ANKRD31: variants seen among roughly 807,000 people sequenced by gnomAD.
ANKRD31 encodes ankyrin repeat domain-containing protein 31.
Under a neutral mutation model 186.0 loss-of-function variants are expected in ANKRD31, and 147 were observed. The observed-to-expected ratio is 0.79, with a 90% CI of 0.69 to 0.91. The LOEUF is 0.91. Ranked by LOEUF, ANKRD31 falls within the 40% of genes least tolerant of loss-of-function variation. The pLI is 0.00. For missense variants in ANKRD31, 1,986 were observed against 2,148.8 expected (o/e 0.92, Z 1.50); for synonymous variants, 673 against 736.4 (o/e 0.91, Z 1.39).
intron 11 of ANKRD31, among the ~76,000 whole-genome samples, chr5:75,168,695 T>C (rs112686605): frequency 2.7e-4 from 40 of 150,374 alleles, no homozygotes; most frequent in South Asian, 1.5e-3. Flanking sequence ...CTAAACCCTA[T>C]AAAGCACCAT....
intron 17 of ANKRD31, among the ~76,000 whole-genome samples, chr5:75,132,094 C>G (rs1053172223): frequency 6.6e-6 from 1 of 152,340 alleles, no homozygotes; most frequent in Non-Finnish European, 1.5e-5. Flanking sequence ...TTCTAAAAAT[C>G]AGAGCGCCTC....
chr5:75,105,124 G>A lies in ANKRD31; in HGVS notation c.4435C>T (p.Gln1479Ter). 1.3e-6 allele frequency: 2 copies of A among 1,536,636 alleles called. 1 individual carries two copies. Among genetic ancestry groups the A allele is most frequent in the South Asian group, 2.4e-5 (2 of 84,012 alleles). The change falls in exon 22 of 26, where the codon CAG becomes TAG. Residue 1479 changes from glutamine to a stop codon, truncating the protein, a stop_gained. Transcript: ENST00000506364. LOFTEE classifies it high-confidence loss of function. ...QKSLLVVAKK[Q>*]KKISLKIQNC... is the part of the protein sequence containing the mutation. ...TGAATTTTCAGGCTTATTTTTTTCTGTTTTTTTGCCACAACTAAAAGGCTC... is the reference window on the plus strand; with the variant it reads ...TGAATTTTCAGGCTTATTTTTTTCTATTTTTTTGCCACAACTAAAAGGCTC...
At chr5:75,155,029 T>C (rs1210744296) in intron 11 of ANKRD31, among the ~76,000 whole-genome samples, 1 of 152,146 alleles carries the variant, frequency 6.6e-6, no homozygotes, top group African/African-American at 2.4e-5. Flanking sequence ...ATTTCTTTCA[T>C]ATCAGTCTCT....
At chr5:75,123,593 C>T (rs1201570090) in intron 17 of ANKRD31, among the ~76,000 whole-genome samples, 1 of 151,838 alleles carries the variant, frequency 6.6e-6, no homozygotes, top group African/African-American at 2.4e-5. Flanking sequence ...AAAACAGACA[C>T]ATAGATCAAG....
chr5:75,161,705 G>T (rs1363515734), intron 11 of ANKRD31, among the ~76,000 whole-genome samples: 1 of 152,140 alleles, frequency 6.6e-6, no homozygotes, highest in African/African-American at 2.4e-5. Context: ...GGTTTCATGG[G>T]CCCGGGCCAG....
intron 10 of ANKRD31, among the ~76,000 whole-genome samples, chr5:75,172,695 T>G (rs992062234): frequency 1.3e-5 from 2 of 152,024 alleles, no homozygotes; most frequent in Admixed American, 6.6e-5. Flanking sequence ...CAGGAAGAAG[T>G]TGAATCTCTG....
chr5:75,165,356 T>A (rs1303933338), intron 11 of ANKRD31, among the ~76,000 whole-genome samples: 6 of 152,184 alleles, frequency 3.9e-5, no homozygotes, highest in Admixed American at 2.6e-4. Flanking sequence ...TCACTGTTAA[T>A]AGTAATACTG....
rs1372253197 is a variant in ANKRD31 at position 75,147,484 on chromosome 5, T to A, written c.1927A>T (p.Ser643Cys). 2.7e-6 allele frequency: 4 copies of A among 1,460,512 alleles called. No homozygotes were observed. The highest frequency in any genetic ancestry group is 3.6e-6 in the Non-Finnish European group (4 of 1,116,404). The allele number at this position is 1,460,512 out of a possible 1,614,324, so 90.5% of individuals were successfully genotyped here. A position where few individuals can be genotyped will look rare whatever the true frequency, so the allele number is the denominator to read the frequency against. ...TCATTATAAACATGCCAAATGTGAC[T>A]TTTAGAACTGAACTTTGGTTTCTAT... ...QHKKPKFSSKSHIWHVYNENS... is the reference protein window; with the variant it reads ...QHKKPKFSSKCHIWHVYNENS... Residue 643 changes from serine (S) to cysteine (C), a missense_variant, in exon 14 of 26, where the codon AGT becomes TGT. Coordinates refer to ENST00000506364, the MANE Select transcript of ANKRD31 (RefSeq NM_001372053.1).
chr5:75,236,615 G>C lies in ANKRD31; in HGVS notation c.72C>G (p.Ser24Arg). 6.5e-7 allele frequency: 1 copy of C among 1,537,000 alleles called. No individual in the cohort carries two copies. Among genetic ancestry groups the C allele is most frequent in the South Asian group, 1.2e-5 (1 of 84,018 alleles). Reference sequence around the variant, plus strand: ...AGGGCAGCTCCTTTTCTTCCAGGTCGCTCTCCGTCACTGAACCCTCTATCA... The same window carrying C: ...AGGGCAGCTCCTTTTCTTCCAGGTCCCTCTCCGTCACTGAACCCTCTATCA... ...ETVIEGSVTE[S>R]DLEEKELPWR... The change falls in exon 1 of 26, where the codon AGC becomes AGG. Residue 24 changes from serine (S) to arginine (R), a missense_variant. By Grantham distance (110) the Ser-to-Arg change is moderately radical (BLOSUM62 -1). Coordinates refer to ENST00000506364, the MANE Select transcript of ANKRD31 (RefSeq NM_001372053.1).
chr5:75,228,027 G>T (rs536431347), intron 2 of ANKRD31, among the ~76,000 whole-genome samples: 20 of 152,248 alleles, frequency 1.3e-4, no homozygotes, highest in South Asian at 6.2e-4. Context: ...CCATGAAACT[G>T]GTCCCTGGTG....
At chr5:75,210,136 TTTCCTTCC>T (rs751811448) in intron 4 of ANKRD31, among the ~76,000 whole-genome samples, 1 of 152,092 alleles carries the variant, frequency 6.6e-6, no homozygotes, top group Non-Finnish European at 1.5e-5. Context: ...GGACAGTTTC[TTTCCTTCC>T]TTCCTTCCTT....
chr5:75,102,146 T>G (rs1422914785), intron 22 of ANKRD31, among the ~76,000 whole-genome samples: 1 of 152,210 alleles, frequency 6.6e-6, no homozygotes, highest in Non-Finnish European at 1.5e-5. Context: ...GTTTTCCTTC[T>G]AACAGTCAGG....
intron 12 of ANKRD31, among the ~76,000 whole-genome samples, chr5:75,150,730 CCAG>C (rs1561480593): frequency 6.6e-6 from 1 of 151,644 alleles, no homozygotes; most frequent in African/African-American, 2.4e-5. Context: ...GGAAGCATTC[CCAG>C]AAGAGCAAAA....
chr5:75,191,393 G>T (rs1580526268), intron 9 of ANKRD31, among the ~76,000 whole-genome samples: 1 of 152,002 alleles, frequency 6.6e-6, no homozygotes, highest in East Asian at 1.9e-4. Flanking sequence ...TTTAATTTCT[G>T]TAGCTTTCTA....
At chr5:75,191,034 G>A (rs1680606187) in intron 9 of ANKRD31, among the ~76,000 whole-genome samples, 1 of 151,894 alleles carries the variant, frequency 6.6e-6, no homozygotes, top group Non-Finnish European at 1.5e-5. Flanking sequence ...TCTTTTAAAG[G>A]TATGTAGTTA....
chr5:75,148,700 GTCC>G, intron 12 of ANKRD31, 72 bp from the exon 13 acceptor site: 1 of 1,164,204 alleles, frequency 8.6e-7, no homozygotes, highest in Non-Finnish European at 1.2e-6. Flanking sequence ...AAACCCACCA[GTCC>G]TTTGCCACGA....
intron 17 of ANKRD31, among the ~76,000 whole-genome samples, chr5:75,123,934 T>C (rs1748996801): frequency 6.6e-6 from 1 of 151,862 alleles, no homozygotes; most frequent in South Asian, 2.1e-4. Context: ...CATATGAAAC[T>C]ATATTAAACT....
chr5:75,206,022 C>T (rs1756152142), intron 5 of ANKRD31, among the ~76,000 whole-genome samples: 2 of 151,408 alleles, frequency 1.3e-5, no homozygotes, highest in South Asian at 4.2e-4. Context: ...TGAGCTGCTA[C>T]TCCCATAGGT....
intron 3 of ANKRD31, among the ~76,000 whole-genome samples, chr5:75,211,992 C>T (rs1426309225): frequency 6.6e-6 from 1 of 152,064 alleles, no homozygotes; most frequent in African/African-American, 2.4e-5. Flanking sequence ...TGTAATCTAA[C>T]TTATCTATTT....
Sources: gnomAD v4.1 joint callset for allele counts (sites outside exome capture counted in the v4.1 genomes callset) on GRCh38, gnomAD v4.1.1 for gene constraint, MANE v1.5 for transcripts, NCBI Gene and HGNC (gene_info 2026-07-23, HGNC 2026-07-21) for gene names.